The following LIN52 variants were observed in gnomAD, a reference collection of about 807,000 sequenced individuals.
LIN52 encodes protein lin-52 homolog.
Under a neutral mutation model 18.5 loss-of-function variants are expected in LIN52, and 4 were observed. The ratio of observed to expected loss-of-function variants is 0.22; its 90% confidence interval spans 0.11 to 0.49. The LOEUF is 0.49. LIN52 is among the 20% of genes least tolerant of loss of function. The pLI is 0.97. For synonymous variants in LIN52, 34 were observed against 45.5 expected, an observed-to-expected ratio of 0.75 and a Z score of 1.02; for missense variants, 102 against 139.5, an observed-to-expected ratio of 0.73 and a Z score of 1.35.
chr14:74,155,127 C>G (rs1242789621), intron 5 of LIN52, among the ~76,000 whole-genome samples: 1 of 152,220 alleles, frequency 6.6e-6, no homozygotes, highest in Non-Finnish European at 1.5e-5. Context: ...CCTTCTAGTG[C>G]CAAGCAGCCC....
intron 5 of LIN52, among the ~76,000 whole-genome samples, chr14:74,181,141 GA>G (rs1202459970): frequency 6.8e-6 from 1 of 146,302 alleles, no homozygotes. Context: ...AAAAAGAAAA[GA>G]AAAGGAAAGA....
intron 5 of LIN52, among the ~76,000 whole-genome samples, chr14:74,126,634 A>G (rs2061031614): frequency 6.6e-6 from 1 of 152,250 alleles, no homozygotes; most frequent in African/African-American, 2.4e-5. Context: ...TTAGACACAA[A>G]AGGACACATA....
chr14:74,129,993 C>A (rs766681942), intron 5 of LIN52, among the ~76,000 whole-genome samples: 4 of 151,964 alleles, frequency 2.6e-5, no homozygotes, highest in Non-Finnish European at 4.4e-5. Flanking sequence ...ACATGGATGG[C>A]GGCAGGCAAA....
intron 5 of LIN52, among the ~76,000 whole-genome samples, chr14:74,136,132 C>T (rs1035691109): frequency 3.9e-5 from 6 of 152,186 alleles, no homozygotes; most frequent in Non-Finnish European, 7.3e-5. Context: ...TAAAATTAAC[C>T]TAACAAAACC....
intron 5 of LIN52, among the ~76,000 whole-genome samples, chr14:74,112,316 AT>A (rs1170892822): frequency 7.1e-6 from 1 of 140,414 alleles, no homozygotes; most frequent in Non-Finnish European, 1.6e-5. Flanking sequence ...TTTTTTTTAA[AT>A]TTTTTTTTGA....
At chr14:74,130,278 G>GTGTTTTTTTTTTTTTTTTTTTTTTTTTTT (rs1566856480) in intron 5 of LIN52, among the ~76,000 whole-genome samples, 2 of 64,842 alleles carry the variant, frequency 3.1e-5, no homozygotes, top group Non-Finnish European at 5.6e-5. Context: ...GCATTTTTTG[G>GTGTTTTTTTTTTTTTTTTTTTTTTTTTTT]TTTTTTTTTT....
At chr14:74,185,983 G>A (rs2139590400) in intron 5 of LIN52, among the ~76,000 whole-genome samples, 1 of 152,258 alleles carries the variant, frequency 6.6e-6, no homozygotes, top group Admixed American at 6.5e-5. Flanking sequence ...AATATTTGAT[G>A]CTCAGTGTTT....
chr14:74,135,621 G>A (rs760314831), intron 5 of LIN52, among the ~76,000 whole-genome samples: 2 of 152,186 alleles, frequency 1.3e-5, no homozygotes, highest in Non-Finnish European at 2.9e-5. Flanking sequence ...CCTTCCAGAA[G>A]CTGTGGTGAA....
At chr14:74,086,445 G>A (rs994485699) in intron 1 of LIN52, among the ~76,000 whole-genome samples, 1 of 151,984 alleles carries the variant, frequency 6.6e-6, no homozygotes, top group Non-Finnish European at 1.5e-5. Flanking sequence ...CTGAGCTCAG[G>A]AATTGAAGAC....
intron 5 of LIN52, among the ~76,000 whole-genome samples, chr14:74,154,591 C>T (rs569890267): frequency 4.3e-4 from 65 of 152,216 alleles, no homozygotes; most frequent in African/African-American, 1.4e-3. Context: ...TTTCTAATTG[C>T]ACCTATTGGG....
At chr14:74,118,143 T>C (rs2060975796) in intron 5 of LIN52, among the ~76,000 whole-genome samples, 1 of 152,048 alleles carries the variant, frequency 6.6e-6, no homozygotes. Context: ...TTCCTGTAGT[T>C]CCAACTACTG....
In LIN52 at chr14:74,175,711, TACACACAC is replaced by T. The variant is rs35602442; in HGVS notation, c.284-23178_284-23171del. Among the ~76,000 whole-genome samples, 296 of 86,374 alleles carry T rather than the reference TACACACAC, an allele frequency of 3.4e-3. 1 individual carries two copies. The highest frequency in any genetic ancestry group is 6.1e-3 in the African/African-American group (164 of 26,706). 56.7% of individuals were successfully genotyped at this position (86,374 alleles called of 152,430 possible). On this transcript the variant is annotated intron_variant, in intron 5 of 5. Transcript: ENST00000555028. ...GATCCCATCTCTTAACACAGACACATACACACACACACACACACACACACACACACACA... is the reference window on the plus strand; with the variant it reads ...GATCCCATCTCTTAACACAGACACATACACACACACACACACACACACACA...
intron 5 of LIN52, among the ~76,000 whole-genome samples, chr14:74,160,417 A>G (rs1157687575): frequency 1.3e-5 from 2 of 152,208 alleles, no homozygotes; most frequent in Non-Finnish European, 2.9e-5. Flanking sequence ...ACTAAAAGGA[A>G]TTAGGTCCCC....
intron 5 of LIN52, among the ~76,000 whole-genome samples, chr14:74,183,484 T>C (rs1408833011): frequency 1.3e-5 from 2 of 152,214 alleles, no homozygotes; most frequent in Non-Finnish European, 2.9e-5. Context: ...TGGCCTACTC[T>C]TCCCTGAGTA....
At chr14:74,091,840 C>A (rs2060774385) in intron 2 of LIN52, among the ~76,000 whole-genome samples, 1 of 149,010 alleles carries the variant, frequency 6.7e-6, no homozygotes. Context: ...GAAGAGTTAT[C>A]ATTTAACTTT....
chr14:74,087,024 A>G (rs2060737315), intron 1 of LIN52, among the ~76,000 whole-genome samples: 1 of 152,056 alleles, frequency 6.6e-6, no homozygotes, highest in African/African-American at 2.4e-5. Flanking sequence ...TGTTTTTACA[A>G]ACTTTGGGGA....
intron 5 of LIN52, among the ~76,000 whole-genome samples, chr14:74,109,366 C>T (rs766162304): frequency 1.3e-5 from 2 of 152,188 alleles, no homozygotes; most frequent in Non-Finnish European, 2.9e-5. Flanking sequence ...CACCCATAGT[C>T]TCACCTACTC....
chr14:74,101,870 T>C (rs903362117), intron 5 of LIN52, among the ~76,000 whole-genome samples: 7 of 152,280 alleles, frequency 4.6e-5, no homozygotes, highest in Admixed American at 2.0e-4. Flanking sequence ...ACTCCTGGGC[T>C]CAAGTGATCC....
chr14:74,128,654 C>T (rs768594988), intron 5 of LIN52, among the ~76,000 whole-genome samples: 19 of 152,146 alleles, frequency 1.2e-4, no homozygotes, highest in Non-Finnish European at 2.1e-4. Context: ...TACTAAAGAA[C>T]GCTGTGGCTG....
Sources: allele counts gnomAD v4.1 joint callset (sites outside exome capture counted in the v4.1 genomes callset), GRCh38; gene constraint gnomAD v4.1.1; transcripts MANE v1.5; gene names NCBI Gene and HGNC (gene_info 2026-07-23, HGNC 2026-07-21).